Variants in BIN3 observed in about 807,000 individuals in gnomAD.
BIN3 encodes the protein bridging integrator 3.
BIN3 carries 41 observed loss-of-function variants against 38.2 expected under a neutral mutation model. The ratio of observed to expected loss-of-function variants is 1.07; its 90% confidence interval spans 0.84 to 1.39. BIN3 has a LOEUF of 1.39. Among genes scored for constraint, BIN3 ranks in the 40% most tolerant of loss-of-function variants. The pLI, the probability that BIN3 is intolerant of heterozygous loss-of-function variation, is 0.00. For missense variants in BIN3, 361 were observed against 324.3 expected (o/e 1.11, Z -0.87); for synonymous variants, 145 against 122.6 (o/e 1.18, Z -1.21).
chr8:22,632,681 C>T (rs995440711), intron 4 of BIN3, among the ~76,000 whole-genome samples: 8 of 148,076 alleles, frequency 5.4e-5, no homozygotes, highest in East Asian at 2.0e-4. Flanking sequence ...GCCAGAGGAG[C>T]GAGGACACGG....
At chr8:22,640,757 C>T (rs904056252) in intron 2 of BIN3, among the ~76,000 whole-genome samples, 1 of 152,080 alleles carries the variant, frequency 6.6e-6, no homozygotes, top group Non-Finnish European at 1.5e-5. Flanking sequence ...AACACCTGGT[C>T]TCCCTGGCTG....
intron 1 of BIN3, among the ~76,000 whole-genome samples, chr8:22,656,628 C>T (rs1220446194): frequency 6.6e-6 from 1 of 152,168 alleles, no homozygotes; most frequent in Non-Finnish European, 1.5e-5. Context: ...GGTAAGAATG[C>T]TTTACATCTG....
intron 1 of BIN3, among the ~76,000 whole-genome samples, chr8:22,659,335 G>C (rs1803157400): frequency 6.6e-6 from 1 of 152,142 alleles, no homozygotes; most frequent in African/African-American, 2.4e-5. Flanking sequence ...CACAGAAATT[G>C]ACCCCGACCC....
At chr8:22,635,912 G>A (rs1358791353) in intron 4 of BIN3, among the ~76,000 whole-genome samples, 1 of 152,026 alleles carries the variant, frequency 6.6e-6, no homozygotes, top group African/African-American at 2.4e-5. Context: ...ACCTGCTTGT[G>A]TCTCTAGGCT....
At chr8:22,623,157 C>T (rs924829254) in intron 8 of BIN3, among the ~76,000 whole-genome samples, 13 of 152,218 alleles carry the variant, frequency 8.5e-5, no homozygotes, top group Admixed American at 5.2e-4. Context: ...TGTTGCTGAG[C>T]GCAAGCCATC....
At chr8:22,634,127 AG>A (rs1157222229) in intron 4 of BIN3, among the ~76,000 whole-genome samples, 3 of 152,254 alleles carry the variant, frequency 2.0e-5, no homozygotes, top group Non-Finnish European at 4.4e-5. Flanking sequence ...CAGGAAGGAA[AG>A]GAAGCAATGG....
At chr8:22,638,881 T>C (rs1173725198) in intron 2 of BIN3, among the ~76,000 whole-genome samples, 1 of 152,206 alleles carries the variant, frequency 6.6e-6, no homozygotes, top group Admixed American at 6.5e-5. Context: ...ACTATTTTTA[T>C]CATTACTTAC....
At chr8:22,636,401 T>G in intron 4 of BIN3, 124 bp downstream of exon 4, 1 of 1,006,488 alleles carries the variant, frequency 9.9e-7, no homozygotes, top group Non-Finnish European at 1.5e-6. Flanking sequence ...AGGCTGCTTC[T>G]CAGGACACTG....
intron 4 of BIN3, among the ~76,000 whole-genome samples, chr8:22,633,863 G>A (rs201762210): frequency 2.6e-5 from 4 of 152,170 alleles, no homozygotes; most frequent in Admixed American, 1.3e-4. Context: ...GGCTCGCCTT[G>A]GCCCCATGAC....
At chr8:22,661,985 G>A (rs1034866820) in intron 1 of BIN3, among the ~76,000 whole-genome samples, 15 of 152,086 alleles carry the variant, frequency 9.9e-5, no homozygotes, top group African/African-American at 3.6e-4. Flanking sequence ...AGTAGAGACG[G>A]GGTTTCACCA....
chr8:22,621,204 G>C lies in BIN3; in HGVS notation c.*218C>G, dbSNP rs1266891777. The C allele has an allele frequency of 6.6e-6, 4 of 607,414 alleles. No homozygotes were observed. The highest frequency in any genetic ancestry group is 1.1e-5 in the Non-Finnish European group (4 of 350,258). The allele number at this position is 607,414 out of a possible 1,614,324, so 37.6% of individuals were successfully genotyped here. On this transcript the variant is annotated 3_prime_UTR_variant, in exon 9 of 9. Coordinates refer to ENST00000276416, the MANE Select transcript of BIN3 (RefSeq NM_018688.6). ...CCAAATAAAAAAGCCCCAAGGGTTT[G>C]TCTACACTGCTTACCTGCTGGGGCT...
intron 2 of BIN3, among the ~76,000 whole-genome samples, chr8:22,637,292 C>T (rs547408661): frequency 2.0e-5 from 3 of 152,320 alleles, no homozygotes; most frequent in East Asian, 1.9e-4. Flanking sequence ...GTGCTCAGAA[C>T]GTGACTGGAC....
chr8:22,640,328 AGC>A (rs1435943947), intron 2 of BIN3, among the ~76,000 whole-genome samples: 5 of 150,368 alleles, frequency 3.3e-5, no homozygotes, highest in Admixed American at 1.3e-4. Flanking sequence ...TACAGGAGTG[AGC>A]CACCACACCC....
At chr8:22,634,270 G>C (rs905171691) in intron 4 of BIN3, 5 of 297,804 alleles carry the variant, frequency 1.7e-5, no homozygotes, top group African/African-American at 1.1e-4. Context: ...CTTGGCTTGT[G>C]ACACACATAG....
At chr8:22,664,863 C>A (rs1240390007) in intron 1 of BIN3, among the ~76,000 whole-genome samples, 1 of 152,212 alleles carries the variant, frequency 6.6e-6, no homozygotes, top group Non-Finnish European at 1.5e-5. Context: ...CAACGGTAAT[C>A]ATAGGGGAAA....
chr8:22,629,847 C>T (rs1802127822), intron 6 of BIN3, 117 bp downstream of exon 6: 5 of 1,045,266 alleles, frequency 4.8e-6, no homozygotes, highest in Non-Finnish European at 7.2e-6. Flanking sequence ...CTGAGTTTCC[C>T]GTCAGGCCCC....
chr8:22,647,950 C>T (rs551621558), intron 1 of BIN3, among the ~76,000 whole-genome samples: 245 of 150,510 alleles, frequency 1.6e-3, no homozygotes, highest in Non-Finnish European at 2.9e-3. Context: ...CACGGTGAAA[C>T]GCCGTCTCTA....
chr8:22,644,942 T>A, intron 1 of BIN3, 139 bp from the exon 2 acceptor site: 1 of 698,846 alleles, frequency 1.4e-6, no homozygotes, highest in South Asian at 1.6e-5. Context: ...CCATGTGCCC[T>A]GGTGGGCATA....
At chr8:22,623,255 A>C (rs1801895395) in intron 8 of BIN3, among the ~76,000 whole-genome samples, 1 of 152,190 alleles carries the variant, frequency 6.6e-6, no homozygotes, top group South Asian at 2.1e-4. Context: ...TCCTTCCTAA[A>C]GGCTTGAAGA....
Sources: gnomAD v4.1 joint callset for allele counts (sites outside exome capture counted in the v4.1 genomes callset) on GRCh38, gnomAD v4.1.1 for gene constraint, MANE v1.5 for transcripts, NCBI Gene and HGNC (gene_info 2026-07-23, HGNC 2026-07-21) for gene names.